Variants in DCAF4 observed in about 807,000 individuals in gnomAD.
DCAF4 encodes the protein DDB1- and CUL4-associated factor 4.
DCAF4 carries 37 observed loss-of-function variants against 60.9 expected under a neutral mutation model. The ratio of observed to expected loss-of-function variants is 0.61; its 90% confidence interval spans 0.47 to 0.80. The LOEUF (loss-of-function observed/expected upper bound fraction) is 0.80. Ranked by LOEUF, DCAF4 falls within the 30% of genes least tolerant of loss-of-function variation. DCAF4 has a pLI of 0.00. For synonymous variants in DCAF4, 243 were observed against 254.8 expected (o/e 0.95, Z 0.44); for missense variants, 577 against 650.0 (o/e 0.89, Z 1.22).
intron 9 of DCAF4, 123 bp downstream of exon 9, chr14:72,952,000 C>A: frequency 4.0e-6 from 4 of 1,009,068 alleles, no homozygotes; most frequent in Non-Finnish European, 6.1e-6. Context: ...TAAGCCTGTC[C>A]CAGGGTTAGT....
At chr14:72,947,256 T>C (rs1890855195) in intron 8 of DCAF4, 65 bp downstream of exon 8, 2 of 1,576,982 alleles carry the variant, frequency 1.3e-6, no homozygotes, top group East Asian at 4.5e-5. Context: ...CCTGGGTATC[T>C]GTGGGCTTCA....
intron 1 of DCAF4, among the ~76,000 whole-genome samples, chr14:72,929,114 C>T (rs1251002521): frequency 6.6e-6 from 1 of 151,654 alleles, no homozygotes; most frequent in Admixed American, 6.6e-5. Context: ...GTAGCGCACC[C>T]CGCCCCCCAC....
chr14:72,954,844 G>T (rs575396073), intron 11 of DCAF4, among the ~76,000 whole-genome samples: 85 of 152,256 alleles, frequency 5.6e-4, no homozygotes, highest in Admixed American at 1.1e-3. Flanking sequence ...CAGGTACAGT[G>T]GCTAATGAAT....
chr14:72,954,580 T>C (rs1380461376), intron 11 of DCAF4, 97 bp downstream of exon 11: 1 of 1,092,758 alleles, frequency 9.2e-7, no homozygotes, highest in Non-Finnish European at 1.4e-6. Context: ...TCTAGTACTC[T>C]TTGACAGGGG....
chr14:72,943,151 T>C, intron 6 of DCAF4, 55 bp downstream of exon 6: 3 of 1,539,614 alleles, frequency 1.9e-6, no homozygotes, highest in Non-Finnish European at 1.8e-6. Flanking sequence ...CTGGACACTT[T>C]GTGGCTTAGC....
intron 1 of DCAF4, among the ~76,000 whole-genome samples, chr14:72,936,562 T>G (rs1889302085): frequency 1.3e-5 from 1 of 76,090 alleles, no homozygotes; most frequent in Admixed American, 2.0e-4. Flanking sequence ...AGACTCCATC[T>G]CAAAAAAAAA....
downstream of DCAF4, chr14:72,960,677 A>G (rs933813813): frequency 1.9e-5 from 20 of 1,065,432 alleles, no homozygotes; most frequent in Non-Finnish European, 2.3e-5. Context: ...AGATACCTCA[A>G]CAGGAGAAGT....
chr14:72,952,238 T>G (rs1891516461), intron 9 of DCAF4, among the ~76,000 whole-genome samples: 1 of 152,202 alleles, frequency 6.6e-6, no homozygotes, highest in South Asian at 2.1e-4. Context: ...GCAATTTGAC[T>G]CCTCCTTCCT....
chr14:72,955,677 C>A lies in DCAF4; in HGVS notation c.1160C>A (p.Ala387Asp). 1 of 1,613,814 alleles carries A rather than the reference C, an allele frequency of 6.2e-7. No individual in the cohort carries two copies. The highest frequency in any genetic ancestry group is 8.5e-7 in the Non-Finnish European group (1 of 1,179,828). The change falls in exon 12 of 14, where the codon GCT (alanine) becomes GAT (aspartate). Residue 387 changes from alanine (A) to aspartate (D), a missense_variant. Physicochemically the swap from Ala to Asp is moderately radical, Grantham distance 126. Coordinates refer to ENST00000358377, the MANE Select transcript of DCAF4 (RefSeq NM_015604.4). ...CTCCAAGATGAGCAATACCTGATGG[C>A]TTCAGACATGGCTGGAAAGGTAGGG... ...RILQDEQYLM[A>D]SDMAGKIKLW...
intron 1 of DCAF4, among the ~76,000 whole-genome samples, chr14:72,934,826 G>A (rs1889046558): frequency 6.6e-6 from 1 of 152,226 alleles, no homozygotes; most frequent in Non-Finnish European, 1.5e-5. Context: ...CTCACATGGA[G>A]TGGGCGCTTT....
chr14:72,954,417 G>A lies in DCAF4; in HGVS notation c.939G>A (p.Val313=). The A allele has an allele frequency of 1.9e-6, 3 of 1,614,168 alleles. No individual in the cohort carries two copies. Among genetic ancestry groups the A allele is most frequent in the Non-Finnish European group, 2.5e-6 (3 of 1,180,030 alleles). Residue 313 remains valine, a synonymous_variant, in exon 11 of 14, where the codon GTG becomes GTA. Coordinates refer to ENST00000358377, the MANE Select transcript of DCAF4 (RefSeq NM_015604.4). ...GLSRRVLLTN[V]VTGHRQSFGT... ...CTCGGCGGGTCCTGTTGACCAACGT[G>A]GTGACGGGACACCGGCAGTCCTTTG... is the stretch of plus-strand genomic sequence containing the variant.
chr14:72,940,951 A>G (rs1265695677), intron 4 of DCAF4, among the ~76,000 whole-genome samples: 3 of 113,062 alleles, frequency 2.7e-5, no homozygotes, highest in Non-Finnish European at 5.6e-5. Context: ...AGTGTGATAT[A>G]ATTTTAGTAA....
At chr14:72,958,515 A>G in intron 13 of DCAF4, 97 bp from the exon 14 acceptor site, 1 of 1,428,312 alleles carries the variant, frequency 7.0e-7, no homozygotes, top group Admixed American at 1.9e-5. Flanking sequence ...ACATGAAATC[A>G]CAGCCCTGAG....
rs1300418642 is a variant in DCAF4, at chr14:72,948,468, T to C, written c.728+1277T>C. Among the ~76,000 whole-genome samples the C allele has an allele frequency of 2.0e-5, 3 of 152,214 alleles. No homozygotes were observed. In the East Asian group the frequency reaches 5.8e-4, roughly 29 times the overall value. Reference sequence around the variant, plus strand: ...CAAATTTTATGTGGCTTTCATTTGATGGGGTTCTGTAGGCCAATGGGACTG... The same window carrying C: ...CAAATTTTATGTGGCTTTCATTTGACGGGGTTCTGTAGGCCAATGGGACTG... On this transcript the variant is annotated intron_variant, in intron 8 of 13. Transcript: ENST00000358377.
At chr14:72,938,865 T>A (rs372838478) in intron 2 of DCAF4, among the ~76,000 whole-genome samples, 1 of 152,070 alleles carries the variant, frequency 6.6e-6, no homozygotes, top group Admixed American at 6.5e-5. Context: ...TATGCTAGTG[T>A]AGACTTTAAA....
chr14:72,947,276 A>G, intron 8 of DCAF4, 85 bp downstream of exon 8: 3 of 1,478,656 alleles, frequency 2.0e-6, no homozygotes, highest in Non-Finnish European at 2.8e-6. Flanking sequence ...ATGACATGGC[A>G]TCTTAGTGAC....
intron 13 of DCAF4, chr14:72,957,230 A>AT (rs1262606667): frequency 6.6e-6 from 1 of 152,172 alleles, no homozygotes; most frequent in East Asian, 1.9e-4. Flanking sequence ...AAATAAATAA[A>AT]AAAGATTTGT....
rs1406046498 is a variant in DCAF4, at chr14:72,954,272, G to A, written c.907+10G>A. On this transcript the variant is annotated intron_variant, in intron 10 of 13. Transcript: ENST00000358377. ...AACTGCTTCAGTACAGGTGAGCCTG[G>A]CTCCCCAGGTGCCCAGAGAAGAGGC... 6.2e-7 allele frequency: 1 copy of A among 1,614,028 alleles called. No homozygotes were observed. The highest frequency in any genetic ancestry group is 8.5e-7 in the Non-Finnish European group (1 of 1,180,020).
intron 1 of DCAF4, 187 bp downstream of exon 1, chr14:72,926,730 C>A (rs1415800669): frequency 1.3e-5 from 2 of 152,312 alleles, no homozygotes; most frequent in African/African-American, 4.8e-5. Flanking sequence ...GGCCGGCGCG[C>A]TCCGCCCGTT....
Sources: gnomAD v4.1 joint callset for allele counts (sites outside exome capture counted in the v4.1 genomes callset) on GRCh38, gnomAD v4.1.1 for gene constraint, MANE v1.5 for transcripts, NCBI Gene and HGNC (gene_info 2026-07-23, HGNC 2026-07-21) for gene names.